The following CNTN4 variants were observed in gnomAD, a reference collection of about 807,000 sequenced individuals.
CNTN4 encodes the protein contactin-4.
CNTN4 carries 77 observed loss-of-function variants against 122.5 expected under a neutral mutation model. That is an observed-to-expected ratio of 0.63 (90% confidence interval 0.52 to 0.76). The LOEUF (loss-of-function observed/expected upper bound fraction) is 0.76. Among genes scored for constraint, CNTN4 ranks in the 30% least tolerant of loss-of-function variants. The pLI, the probability that CNTN4 is intolerant of heterozygous loss-of-function variation, is 0.00. For missense variants in CNTN4, 1,256 were observed against 1,259.1 expected (o/e 1.00, Z 0.04); for synonymous variants, 512 against 447.0 (o/e 1.15, Z -1.83).
At chr3:2,495,930 C>T (rs1263477805) in intron 3 of CNTN4, among the ~76,000 whole-genome samples, 1 of 152,202 alleles carries the variant, frequency 6.6e-6, no homozygotes, top group East Asian at 1.9e-4. Context: ...AGAGAAGGCA[C>T]AGATGGCAGT....
intron 6 of CNTN4, among the ~76,000 whole-genome samples, chr3:2,794,938 C>G (rs886420545): frequency 1.3e-5 from 2 of 152,040 alleles, no homozygotes; most frequent in African/African-American, 4.8e-5. Context: ...TGCTCATGAT[C>G]TAATCACTTA....
intron 4 of CNTN4, among the ~76,000 whole-genome samples, chr3:2,733,983 G>C (rs2088891527): frequency 6.6e-6 from 1 of 152,116 alleles, no homozygotes; most frequent in African/African-American, 2.4e-5. Context: ...TGACATCTTT[G>C]AATGCAAATT....
chr3:2,901,704 T>C (rs1180975646), intron 11 of CNTN4, among the ~76,000 whole-genome samples: 1 of 152,140 alleles, frequency 6.6e-6, no homozygotes, highest in South Asian at 2.1e-4. Flanking sequence ...TGCCAGGAAA[T>C]AAGGCTTTGT....
intron 2 of CNTN4, among the ~76,000 whole-genome samples, chr3:2,146,732 A>T (rs1264557781): frequency 6.6e-6 from 1 of 152,148 alleles, no homozygotes; most frequent in Non-Finnish European, 1.5e-5. Context: ...CTACCCTGAT[A>T]TGTGTCAGTT....
intron 3 of CNTN4, among the ~76,000 whole-genome samples, chr3:2,368,215 A>G (rs1253070624): frequency 3.3e-5 from 5 of 150,686 alleles, no homozygotes; most frequent in South Asian, 2.1e-4. Flanking sequence ...TGTATTTTTA[A>G]TAGAGACGGG....
At chr3:2,567,768 C>T (rs1008178660) in intron 3 of CNTN4, among the ~76,000 whole-genome samples, 1 of 152,136 alleles carries the variant, frequency 6.6e-6, no homozygotes, top group Non-Finnish European at 1.5e-5. Flanking sequence ...TGTCACTTGG[C>T]TCAGAATGGC....
intron 3 of CNTN4, among the ~76,000 whole-genome samples, chr3:2,476,035 A>G (rs1418372038): frequency 6.6e-6 from 1 of 152,258 alleles, no homozygotes; most frequent in Non-Finnish European, 1.5e-5. Flanking sequence ...TGAAAAGCAT[A>G]TGGTCTGAGA....
intron 6 of CNTN4, among the ~76,000 whole-genome samples, chr3:2,796,146 G>T (rs1450439980): frequency 6.6e-6 from 1 of 152,046 alleles, no homozygotes. Context: ...ATCTTAATTA[G>T]GTTAAATACT....
At chr3:2,138,414 T>G (rs936722016) in intron 2 of CNTN4, among the ~76,000 whole-genome samples, 3 of 152,076 alleles carry the variant, frequency 2.0e-5, no homozygotes, top group African/African-American at 7.2e-5. Context: ...CAGGAAGAAG[T>G]TTCAGATGCT....
intron 7 of CNTN4, among the ~76,000 whole-genome samples, chr3:2,857,832 G>A (rs758470187): frequency 1.3e-5 from 2 of 152,002 alleles, no homozygotes; most frequent in African/African-American, 2.4e-5. Flanking sequence ...GTCAGGCAAG[G>A]GTCTAATGTC....
chr3:2,557,957 T>C (rs1214634331), intron 3 of CNTN4, among the ~76,000 whole-genome samples: 8 of 152,132 alleles, frequency 5.3e-5, no homozygotes, highest in Non-Finnish European at 1.2e-4. Flanking sequence ...TCCTTGAACT[T>C]TTTCTGGAAA....
intron 3 of CNTN4, among the ~76,000 whole-genome samples, chr3:2,565,632 T>C (rs575886499): frequency 3.3e-5 from 5 of 152,186 alleles, no homozygotes; most frequent in Non-Finnish European, 7.3e-5. Flanking sequence ...GACCCAAAAC[T>C]CTTCATATTT....
At chr3:2,504,178 A>G (rs2076672786) in intron 3 of CNTN4, among the ~76,000 whole-genome samples, 3 of 152,264 alleles carry the variant, frequency 2.0e-5, no homozygotes, top group East Asian at 1.9e-4. Context: ...GAAGTGTAGT[A>G]TTTTTAGCAC....
intron 8 of CNTN4, among the ~76,000 whole-genome samples, chr3:2,872,685 C>G (rs571931349): frequency 6.6e-6 from 1 of 152,184 alleles, no homozygotes; most frequent in Admixed American, 6.5e-5. Flanking sequence ...CTCTCTTTCT[C>G]TGTACTCTGT....
At chr3:2,625,923 G>T (rs543037285) in intron 4 of CNTN4, among the ~76,000 whole-genome samples, 1 of 151,968 alleles carries the variant, frequency 6.6e-6, no homozygotes, top group South Asian at 2.1e-4. Flanking sequence ...TACCAGTATC[G>T]AATTGTTCCT....
chr3:2,820,805 C>A, intron 7 of CNTN4, among the ~76,000 whole-genome samples: 1 of 151,402 alleles, frequency 6.6e-6, no homozygotes, highest in East Asian at 1.9e-4. Context: ...AGGATCAGAC[C>A]AAGAACAAAA....
intron 12 of CNTN4, among the ~76,000 whole-genome samples, chr3:2,915,357 T>G (rs779490503): frequency 1.1e-4 from 16 of 152,230 alleles, no homozygotes; most frequent in Non-Finnish European, 1.9e-4. Flanking sequence ...TGAGCCACTG[T>G]GCCTGCCCTA....
chr3:2,452,579 C>T (rs762058421), intron 3 of CNTN4, among the ~76,000 whole-genome samples: 1 of 152,114 alleles, frequency 6.6e-6, no homozygotes, highest in Admixed American at 6.6e-5. Flanking sequence ...GGAGGGCATG[C>T]GCACGGTTCC....
chr3:2,370,146 A>G (rs1333647574), intron 3 of CNTN4, among the ~76,000 whole-genome samples: 1 of 152,076 alleles, frequency 6.6e-6, no homozygotes, highest in Non-Finnish European at 1.5e-5. Context: ...AATACACACA[A>G]CTGAATTCAC....
Sources: gnomAD v4.1 joint callset for allele counts (sites outside exome capture counted in the v4.1 genomes callset) on GRCh38, gnomAD v4.1.1 for gene constraint, MANE v1.5 for transcripts, NCBI Gene and HGNC (gene_info 2026-07-23, HGNC 2026-07-21) for gene names.